Variants in RASA1 observed in about 807,000 individuals in gnomAD.
The protein encoded by RASA1 is ras GTPase-activating protein 1.
In RASA1, 25 loss-of-function variants were observed where a neutral mutation model predicts 132.2. That is an observed-to-expected ratio of 0.19 (90% CI 0.14 to 0.26). The LOEUF is 0.26. Ranked by LOEUF, RASA1 falls within the 10% of genes least tolerant of loss-of-function variation. RASA1 has a pLI of 1.00. For missense variants in RASA1, 964 were observed against 1,299.2 expected, an observed-to-expected ratio of 0.74 and a Z score of 3.97; for synonymous variants, 477 against 449.9, an observed-to-expected ratio of 1.06 and a Z score of -0.76.
At chr5:87,326,341 T>A (rs886248526) in intron 1 of RASA1, among the ~76,000 whole-genome samples, 4 of 152,220 alleles carry the variant, frequency 2.6e-5, no homozygotes, top group Admixed American at 6.5e-5. Context: ...TGACTTTTTT[T>A]AATTGTTCAC....
rs114032771 is a variant in RASA1 at position 87,339,116 on chromosome 5, C to T, written c.1017+1025C>T. Reference sequence around the variant, plus strand: ...TCAAAGCTACTGTTTTTAAATTATGCCACAGACCTGATAATATTCTGAAGA... The same window carrying T: ...TCAAAGCTACTGTTTTTAAATTATGTCACAGACCTGATAATATTCTGAAGA... On this transcript the variant is annotated intron_variant, in intron 5 of 24. Transcript: ENST00000274376. 9.2e-3 allele frequency among the ~76,000 whole-genome samples: 1,399 copies of T among 152,138 alleles called. 28 individuals carry two copies. The highest frequency in any genetic ancestry group is 0.031 in the African/African-American group (1,299 of 41,512).
chr5:87,271,657 A>AT (rs1393304280), intron 1 of RASA1, among the ~76,000 whole-genome samples: 1 of 150,902 alleles, frequency 6.6e-6, no homozygotes, highest in Non-Finnish European at 1.5e-5. Context: ...TAATTTTCAT[A>AT]TTTTTAGTAG....
Position 87,331,130 on chromosome 5 carries a change from G to C in RASA1, c.540-218G>C, listed in dbSNP as rs1046851833. On this transcript the variant is annotated intron_variant, in intron 1 of 24. Transcript: ENST00000274376. ...AAGAGATTTATATATGAGATGACTA[G>C]GACTGAGCTTTTAGAACAAATTAAA... 3 of 858,382 alleles carry C rather than the reference G, an allele frequency of 3.5e-6. No individual in the cohort carries two copies. In the Admixed American group the frequency reaches 7.0e-5, roughly 20 times the overall value. The allele number at this position is 858,382 out of a possible 1,614,324, so 53.2% of individuals were successfully genotyped here.
In RASA1 at chr5:87,376,821, C is replaced by T. The variant is rs1022431997; in HGVS notation, c.2185-60C>T. The stretch of plus-strand genomic sequence containing the variant: ...GTGAAAGAACATATTTCTTGTTAGT[C>T]TCATGGAGCATGCTTATAATGCTAC... On this transcript the variant is annotated intron_variant, in intron 16 of 24. Transcript: ENST00000274376. 8.0e-6 allele frequency: 12 copies of T among 1,490,750 alleles called. No homozygotes were observed. In the South Asian group the frequency reaches 9.1e-5, roughly 11 times the overall value. 92.3% of individuals were successfully genotyped at this position (1,490,750 alleles called of 1,614,324 possible). A position where few individuals can be genotyped will look rare whatever the true frequency, so the allele number is the denominator to read the frequency against.
At chr5:87,365,515 G>A (rs1008484248) in intron 11 of RASA1, among the ~76,000 whole-genome samples, 2 of 152,022 alleles carry the variant, frequency 1.3e-5, no homozygotes, top group African/African-American at 4.8e-5. Flanking sequence ...TCGATTAACA[G>A]AGAAGTTAAA....
At chr5:87,287,415 T>C (rs1217332696) in intron 1 of RASA1, among the ~76,000 whole-genome samples, 8 of 144,024 alleles carry the variant, frequency 5.6e-5, no homozygotes, top group South Asian at 2.2e-4. Flanking sequence ...ACACCATATA[T>C]ACACCATATA....
At chr5:87,293,902 CAGT>C (rs1755009420) in intron 1 of RASA1, among the ~76,000 whole-genome samples, 1 of 151,932 alleles carries the variant, frequency 6.6e-6, no homozygotes. Flanking sequence ...ACTTTGGGGT[CAGT>C]AGCGATTAGT....
intron 11 of RASA1, chr5:87,366,493 C>T: frequency 4.4e-6 from 1 of 228,000 alleles, no homozygotes; most frequent in Middle Eastern, 4.8e-4. Context: ...GATTCCTATT[C>T]TGGTTAGTAA....
Position 87,332,724 on chromosome 5 carries a change from G to A in RASA1, c.828+82G>A, listed in dbSNP as rs899939024. 2.0e-5 allele frequency: 27 copies of A among 1,331,616 alleles called. 1 individual carries two copies. The South Asian group carries it at 2.7e-4, about 13-fold the overall frequency. The allele number at this position is 1,331,616 out of a possible 1,614,324, so 82.5% of individuals were successfully genotyped here. ...TTTTAGCTATTGCTCAGTTTCTTAT[G>A]TTTATTATAATTCAAGAAGTATTTG... On this transcript the variant is annotated intron_variant, in intron 3 of 24. Transcript: ENST00000274376.
At chr5:87,272,114 C>T (rs969407211) in intron 1 of RASA1, among the ~76,000 whole-genome samples, 2 of 151,198 alleles carry the variant, frequency 1.3e-5, no homozygotes, top group Non-Finnish European at 2.9e-5. Flanking sequence ...TGCCGTTGCA[C>T]TCTAGCCTGG....
At chr5:87,369,630 A>G (rs1302138957) in intron 11 of RASA1, among the ~76,000 whole-genome samples, 183 bp from the exon 12 acceptor site, 1 of 152,066 alleles carries the variant, frequency 6.6e-6, no homozygotes, top group South Asian at 2.1e-4. Context: ...TAGTGCTGAC[A>G]TAAAGTTTTC....
intron 12 of RASA1, among the ~76,000 whole-genome samples, chr5:87,370,688 C>T (rs1363398076): frequency 6.6e-6 from 1 of 151,980 alleles, no homozygotes; most frequent in East Asian, 1.9e-4. Context: ...TTCTTTGAAC[C>T]CTAATATTTC....
intron 1 of RASA1, among the ~76,000 whole-genome samples, chr5:87,275,268 C>G (rs955978774): frequency 6.6e-6 from 1 of 152,112 alleles, no homozygotes; most frequent in Non-Finnish European, 1.5e-5. Context: ...GTTGTTGTTG[C>G]TTACTGCCAA....
chr5:87,364,340 T>C (rs1760343917), intron 11 of RASA1, among the ~76,000 whole-genome samples: 1 of 152,162 alleles, frequency 6.6e-6, no homozygotes, highest in Non-Finnish European at 1.5e-5. Context: ...ACATTAGTGT[T>C]ACTTGTGATT....
At chr5:87,389,021 C>CA (rs1447663826) in intron 23 of RASA1, among the ~76,000 whole-genome samples, 3 of 152,026 alleles carry the variant, frequency 2.0e-5, no homozygotes, top group African/African-American at 7.3e-5. Context: ...ACAAAGGTTA[C>CA]AAAGTCTATA....
At position 87,374,380 on chromosome 5, in the gene RASA1, G is replaced by GT. The variant is rs1268973961; in HGVS notation, c.1934+67dup. On this transcript the variant is annotated intron_variant, in intron 14 of 24. Transcript: ENST00000274376. Reference sequence around the variant, plus strand: ...CTTTTACCATATTGCATTTCTTTCTGTTTTTTTGGTCTCTGTATCTAAACC... The same window carrying GT: ...CTTTTACCATATTGCATTTCTTTCTGTTTTTTTTGGTCTCTGTATCTAAACC... The GT allele has an allele frequency of 2.0e-5, 30 of 1,478,202 alleles. 1 individual carries two copies. Among genetic ancestry groups the GT allele is most frequent in the African/African-American group, 4.3e-5 (3 of 69,930 alleles). The allele number at this position is 1,478,202 out of a possible 1,614,324, so 91.6% of individuals were successfully genotyped here.
At chr5:87,363,160 G>A (rs1356892308) in intron 10 of RASA1, among the ~76,000 whole-genome samples, 188 bp from the exon 11 acceptor site, 1 of 151,508 alleles carries the variant, frequency 6.6e-6, no homozygotes, top group Non-Finnish European at 1.5e-5. Flanking sequence ...ATTAAAACAA[G>A]TAATATAACA....
chr5:87,380,974 T>C (rs1357377862), intron 20 of RASA1, among the ~76,000 whole-genome samples: 1 of 152,226 alleles, frequency 6.6e-6, no homozygotes, highest in African/African-American at 2.4e-5. Context: ...ATTGGTTTGT[T>C]ACAATCTGTG....
intron 1 of RASA1, among the ~76,000 whole-genome samples, chr5:87,282,548 C>T (rs1322364566): frequency 6.6e-6 from 1 of 152,042 alleles, no homozygotes; most frequent in Admixed American, 6.5e-5. Flanking sequence ...GTGGGTTTAC[C>T]TGTTTGAGAT....
Sources: allele counts gnomAD v4.1 joint callset (sites outside exome capture counted in the v4.1 genomes callset), GRCh38; gene constraint gnomAD v4.1.1; transcripts MANE v1.5; gene names NCBI Gene and HGNC (gene_info 2026-07-23, HGNC 2026-07-21).